CCNF: variants seen among roughly 807,000 people sequenced by gnomAD.
CCNF encodes cyclin F.
In CCNF, 30 loss-of-function variants were observed where a neutral mutation model predicts 85.4. The observed-to-expected ratio is 0.35, with a 90% CI of 0.26 to 0.48. CCNF has a LOEUF of 0.48. Among genes scored for constraint, CCNF ranks in the 20% least tolerant of loss-of-function variants. The probability of loss-of-function intolerance (pLI) is 0.99; values close to 1 mark genes in which losing one functional copy is unlikely to be tolerated. For missense variants in CCNF, 919 were observed against 1,010.4 expected (o/e 0.91, Z 1.23); for synonymous variants, 439 against 425.1 (o/e 1.03, Z -0.40).
rs201290179 is a variant in CCNF at position 2,453,224 on chromosome 16, C to T, written c.1502C>T (p.Ala501Val). 3.7e-5 allele frequency: 59 copies of T among 1,613,740 alleles called. No individual in the cohort carries two copies. In the African/African-American group the frequency reaches 7.1e-4, roughly 19 times the overall value. ...SLHKKCFHDD[A>V]PKDYRQVSLT... ...TCTGTTTCCAGCTTCCATGATGACG[C>T]CCCCAAGGACTACAGGCAAGTCTCT... Residue 501 changes from alanine to valine, a missense_variant, in exon 14 of 17, where the codon GCC (alanine) becomes GTC (valine). Physicochemically the swap from Ala to Val is moderately conservative, Grantham distance 64. This residue lies in a region of CCNF where 505 missense variants were observed against 514.8 expected (regional missense o/e 0.98). Transcript: ENST00000397066. The surrounding 1 kb of genome is among the most constrained non-coding windows in gnomAD (Gnocchi z 5.6).
chr16:2,455,609 G>A (rs370765591), intron 16 of CCNF, 45 bp downstream of exon 16: 329 of 1,552,736 alleles, frequency 2.1e-4, no homozygotes, highest in Non-Finnish European at 2.7e-4. Context: ...TCACACAGAG[G>A]GTGGCTCTCA....
rs1413817565 is a variant in CCNF at position 2,458,813 on chromosome 16, A to AC, written c.*1794dup. Reference sequence around the variant, plus strand: ...TAAGGGGGGCAATGATACCTACCTCACAGGGGTGTTGTGAGGATTAAATGT... The same window carrying AC: ...TAAGGGGGGCAATGATACCTACCTCACCAGGGGTGTTGTGAGGATTAAATGT... On this transcript the variant is annotated 3_prime_UTR_variant, in exon 17 of 17. Coordinates refer to ENST00000397066, the MANE Select transcript of CCNF (RefSeq NM_001761.3). 6.6e-6 allele frequency: 1 copy of AC among 152,202 alleles called. No individual in the cohort carries two copies. The highest frequency in any genetic ancestry group is 2.4e-5 in the African/African-American group (1 of 41,408). The allele number at this position is 152,202 out of a possible 1,614,324, so 9.4% of individuals were successfully genotyped here.
At chr16:2,449,089 G>A (rs770722561) in intron 11 of CCNF, 111 bp downstream of exon 11, 1 of 1,489,214 alleles carries the variant, frequency 6.7e-7, no homozygotes, top group Non-Finnish European at 9.3e-7. Flanking sequence ...TCAGAGAGCA[G>A]CTGTCTCTGC....
chr16:2,435,999 C>A, intron 4 of CCNF, 126 bp downstream of exon 4: 1 of 604,244 alleles, frequency 1.7e-6, no homozygotes, highest in Middle Eastern at 4.0e-4. Flanking sequence ...CCTGCCTCCC[C>A]ATTCCCTCTC....
In CCNF at chr16:2,456,624, TGAG is replaced by T. The variant is rs775427467; in HGVS notation, c.1970_1972del (p.Glu657del). On this transcript the variant is annotated inframe_deletion, in exon 17 of 17. Transcript: ENST00000397066. This position sits in a 1 kb window ranked among gnomAD's most constrained non-coding sequence, Gnocchi z 4.5. ...AGCATTGCTGCCAGGAATCCAGTGATGAGGAGGCTTGTCCAGAGGACAAGGGAC... is the reference window on the plus strand; with the variant it reads ...AGCATTGCTGCCAGGAATCCAGTGATGAGGCTTGTCCAGAGGACAAGGGAC... 1.2e-6 allele frequency: 2 copies of T among 1,608,848 alleles called. No individual in the cohort carries two copies. The highest frequency in any genetic ancestry group is 1.1e-5 in the South Asian group (1 of 90,570).
rs537268129 is a variant in CCNF, at chr16:2,447,890, C to T, written c.1095-965C>T. Among the ~76,000 whole-genome samples the T allele has an allele frequency of 5.3e-5, 8 of 152,348 alleles. No individual in the cohort carries two copies. In the South Asian group the frequency reaches 1.2e-3, roughly 24 times the overall value. On this transcript the variant is annotated intron_variant, in intron 10 of 16. Coordinates refer to ENST00000397066, the MANE Select transcript of CCNF (RefSeq NM_001761.3). Reference sequence around the variant, plus strand: ...TCTTGTCTTTTTGGCGTCTGCAGCCCCCACGCTGGCAGGTGTAGTCCCTGC... The same window carrying T: ...TCTTGTCTTTTTGGCGTCTGCAGCCTCCACGCTGGCAGGTGTAGTCCCTGC...
At chr16:2,436,175 T>C (rs558440437) in intron 4 of CCNF, 86 of 317,204 alleles carry the variant, frequency 2.7e-4, no homozygotes, top group African/African-American at 1.7e-3. Flanking sequence ...CCCTGCCCTG[T>C]GCGCCATGAG....
chr16:2,449,384 C>T lies in CCNF; in HGVS notation c.1321C>T (p.His441Tyr). The change falls in exon 12 of 17, where the codon CAC becomes TAC. Residue 441 changes from histidine (H) to tyrosine (Y), a missense_variant. Physicochemically the swap from His to Tyr is moderately conservative, Grantham distance 83. Transcript: ENST00000397066. ...CSFLCELSLL[H>Y]TSLSAYAPAR... ...CTTCCTCTGCGAGCTCTCCCTGCTGCACACCAGCCTGTCCGCCTACGCCCC... is the reference window on the plus strand; with the variant it reads ...CTTCCTCTGCGAGCTCTCCCTGCTGTACACCAGCCTGTCCGCCTACGCCCC... 6.2e-7 allele frequency: 1 copy of T among 1,612,830 alleles called. No individual in the cohort carries two copies. Among genetic ancestry groups the T allele is most frequent in the Admixed American group, 1.7e-5 (1 of 60,022 alleles).
chr16:2,451,204 G>A lies in CCNF; in HGVS notation c.1487+1289G>A, dbSNP rs1023127053. 6.6e-6 allele frequency among the ~76,000 whole-genome samples: 1 copy of A among 152,346 alleles called. No homozygotes were observed. Among genetic ancestry groups the A allele is most frequent in the Admixed American group, 6.5e-5 (1 of 15,306 alleles). ...GAGAGTTCAGAGGTCAGGTCGTGAC[G>A]AGAGAAACAGCAGGCAGGCGCGCGG... On this transcript the variant is annotated intron_variant, in intron 13 of 16. Coordinates refer to ENST00000397066, the MANE Select transcript of CCNF (RefSeq NM_001761.3). The surrounding 1 kb of genome is among the most constrained non-coding windows in gnomAD (Gnocchi z 4.3).
In CCNF at chr16:2,457,784, G is replaced by A. The variant is rs1410412035; in HGVS notation, c.*764G>A. ...AACAAAAGAAAAACTTAAAACAGAA[G>A]GTATTAAAAAAACAAGAGATTCCCA... On this transcript the variant is annotated 3_prime_UTR_variant, in exon 17 of 17. Transcript: ENST00000397066. 1 of 152,140 alleles carries A rather than the reference G, an allele frequency of 6.6e-6. No homozygotes were observed. The highest frequency in any genetic ancestry group is 1.5e-5 in the Non-Finnish European group (1 of 68,024). 9.4% of individuals were successfully genotyped at this position (152,140 alleles called of 1,614,324 possible). A position where few individuals can be genotyped will look rare whatever the true frequency, so the allele number is the denominator to read the frequency against.
rs1419057338 is a variant in CCNF, at chr16:2,451,216, AGGCAGGCGCGCGG to A, written c.1487+1308_1487+1320del. Among the ~76,000 whole-genome samples, 2 of 152,194 alleles carry A rather than the reference AGGCAGGCGCGCGG, an allele frequency of 1.3e-5. No individual in the cohort carries two copies. The highest frequency in any genetic ancestry group is 6.5e-5 in the Admixed American group (1 of 15,286). On this transcript the variant is annotated intron_variant, in intron 13 of 16. Coordinates refer to ENST00000397066, the MANE Select transcript of CCNF (RefSeq NM_001761.3). This position sits in a 1 kb window ranked among gnomAD's most constrained non-coding sequence, Gnocchi z 4.3. Reference sequence around the variant, plus strand: ...GTCAGGTCGTGACGAGAGAAACAGCAGGCAGGCGCGCGGGGCAGGTGGCGCGGGCGGGGGCGAC... The same window carrying A: ...GTCAGGTCGTGACGAGAGAAACAGCAGGCAGGTGGCGCGGGCGGGGGCGAC...
chr16:2,442,888 A>G (rs1190115253), intron 8 of CCNF, among the ~76,000 whole-genome samples: 2 of 29,332 alleles, frequency 6.8e-5, no homozygotes, highest in African/African-American at 4.3e-4. Context: ...TTATAATTAT[A>G]TATTATATAT....
chr16:2,438,466 C>T (rs576452427), intron 6 of CCNF, among the ~76,000 whole-genome samples: 2 of 152,232 alleles, frequency 1.3e-5, no homozygotes, highest in East Asian at 3.9e-4. Flanking sequence ...ATGGTGAAAC[C>T]ACGTCTTTAC....
chr16:2,440,573 C>CGACAGAGCAAGACTCTGTCTGAA (rs978653790), intron 8 of CCNF, among the ~76,000 whole-genome samples: 2 of 151,672 alleles, frequency 1.3e-5, no homozygotes, highest in African/African-American at 4.9e-5. Flanking sequence ...CCAGCCTGGG[C>CGACAGAGCAAGACTCTGTCTGAA]GACAGAGCAA....
intron 5 of CCNF, chr16:2,437,622 C>T (rs1476334030): frequency 5.5e-6 from 2 of 364,972 alleles, no homozygotes; most frequent in Non-Finnish European, 1.0e-5. Context: ...GGTGTGGTGG[C>T]TCACGCCTGT....
At chr16:2,446,052 G>T (rs952489260) in intron 10 of CCNF, among the ~76,000 whole-genome samples, 20 of 152,324 alleles carry the variant, frequency 1.3e-4, no homozygotes, top group African/African-American at 4.6e-4. Context: ...TGACTCATGA[G>T]CCACGAGTGT....
Position 2,455,499 on chromosome 16 carries a change from G to C in CCNF, c.1820G>C (p.Trp607Ser). The C allele has an allele frequency of 1.2e-6, 2 of 1,607,492 alleles. No homozygotes were observed. The highest frequency in any genetic ancestry group is 1.7e-6 in the Non-Finnish European group (2 of 1,174,840). ...ACGCTGCTGGGCAGCTTCCTCGACT[G>C]GAGCCTGGACTGCTGCTCTGGCTAT... ...EETLLGSFLD[W>S]SLDCCSGYEG... Residue 607 changes from tryptophan to serine, a missense_variant, in exon 16 of 17, where the codon TGG becomes TCG. Around this residue, in one of 3 missense-constraint regions of CCNF, gnomAD observed 505 missense variants for 514.8 expected, o/e 0.98. Transcript: ENST00000397066.
In CCNF at chr16:2,456,804, C is replaced by T. The variant is rs780155682; in HGVS notation, c.2145C>T (p.Asp715=). 2.1e-5 allele frequency: 34 copies of T among 1,613,750 alleles called. No homozygotes were observed. The highest frequency in any genetic ancestry group is 1.6e-4 in the Middle Eastern group (1 of 6,082). The change falls in exon 17 of 17, where the codon GAC becomes GAT. Residue 715 remains aspartate, a synonymous_variant. Coordinates refer to ENST00000397066, the MANE Select transcript of CCNF (RefSeq NM_001761.3). This position sits in a 1 kb window ranked among gnomAD's most constrained non-coding sequence, Gnocchi z 4.5. ...CCGCAAGTCCCACAAGCTCCGTGGA[C>T]GGTGGCTTGGGGGCCCTGCCCCAAC... is the stretch of plus-strand genomic sequence containing the variant. The part of the protein sequence containing the change: ...VSTASPTSSV[D]GGLGALPQPT...
At chr16:2,431,360 A>G in intron 2 of CCNF, 76 bp downstream of exon 2, 1 of 1,502,100 alleles carries the variant, frequency 6.7e-7, no homozygotes, top group South Asian at 1.2e-5. Context: ...CTTAACTGTC[A>G]GAACAAAACT....
Sources: allele counts gnomAD v4.1 joint callset (sites outside exome capture counted in the v4.1 genomes callset), GRCh38; gene constraint gnomAD v4.1.1; regional missense constraint gnomAD v4.1.1; non-coding constraint Gnocchi (gnomAD v3.1); transcripts MANE v1.5; gene names NCBI Gene and HGNC (gene_info 2026-07-23, HGNC 2026-07-21).